The following STK24 variants were observed in gnomAD, a reference collection of about 807,000 sequenced individuals.
STK24 encodes the protein serine/threonine-protein kinase 24.
In STK24, 21 loss-of-function variants were observed where a neutral mutation model predicts 55.6. The observed-to-expected ratio is 0.38, with a 90% confidence interval of 0.27 to 0.54. The LOEUF (loss-of-function observed/expected upper bound fraction) is 0.54. Ranked by LOEUF, STK24 falls within the 20% of genes least tolerant of loss-of-function variation. The probability of loss-of-function intolerance (pLI) is 0.79; values close to 1 mark genes in which losing one functional copy is unlikely to be tolerated. For synonymous variants in STK24, 200 were observed against 215.2 expected, an observed-to-expected ratio of 0.93 and a Z score of 0.62; for missense variants, 383 against 538.4, an observed-to-expected ratio of 0.71 and a Z score of 2.86.
intron 1 of STK24, among the ~76,000 whole-genome samples, chr13:98,573,877 C>G (rs1353903729): frequency 1.3e-5 from 2 of 152,192 alleles, no homozygotes; most frequent in African/African-American, 4.8e-5. Flanking sequence ...ATCTACATCT[C>G]AAACGGTACC....
At chr13:98,507,882 T>C (rs1214448118) in intron 2 of STK24, among the ~76,000 whole-genome samples, 3 of 152,142 alleles carry the variant, frequency 2.0e-5, no homozygotes, top group Admixed American at 2.0e-4. Context: ...CAAAAGCCCA[T>C]TGCAGATCTC....
intron 1 of STK24, among the ~76,000 whole-genome samples, chr13:98,527,302 T>C (rs1304774514): frequency 6.6e-6 from 1 of 151,984 alleles, no homozygotes; most frequent in Admixed American, 6.5e-5. Context: ...AGACCTCAGC[T>C]ATACCAAAAA....
chr13:98,531,833 A>G (rs969597719), intron 1 of STK24, among the ~76,000 whole-genome samples: 1 of 152,130 alleles, frequency 6.6e-6, no homozygotes, highest in African/African-American at 2.4e-5. Context: ...GCTCTGTTAG[A>G]GGTGAGCTGG....
intron 1 of STK24, among the ~76,000 whole-genome samples, chr13:98,528,624 G>C (rs564680180): frequency 2.6e-5 from 4 of 152,114 alleles, no homozygotes; most frequent in African/African-American, 4.8e-5. Context: ...TATGATGACT[G>C]AAGTATTTTA....
At chr13:98,463,133 C>T (rs1374593247) in intron 7 of STK24, among the ~76,000 whole-genome samples, 2 of 152,156 alleles carry the variant, frequency 1.3e-5, no homozygotes, top group Admixed American at 6.5e-5. Context: ...CGAGAACAGA[C>T]GAGTCCCACG....
intron 1 of STK24, among the ~76,000 whole-genome samples, chr13:98,524,866 C>T (rs1041325435): frequency 2.3e-4 from 35 of 152,210 alleles, no homozygotes; most frequent in Admixed American, 1.4e-3. Context: ...CGTTTCCAGG[C>T]GTACGGCACC....
At chr13:98,556,246 A>G (rs771636147) in intron 1 of STK24, among the ~76,000 whole-genome samples, 3 of 152,220 alleles carry the variant, frequency 2.0e-5, no homozygotes, top group Non-Finnish European at 4.4e-5. Context: ...GTTAAGGACT[A>G]TGCTAGGACG....
At position 98,461,842 on chromosome 13, in the gene STK24, T is replaced by G. The variant is rs1464712061; in HGVS notation, c.985A>C (p.Ile329Leu). ...AGATTCTTGGGATCTTTTTCTCGGA[T>G]TGTGAAGATCCAGTCCCCAGAATCA... Reference protein sequence around the residue: ...GSDSGDWIFTIREKDPKNLEN... With the variant: ...GSDSGDWIFTLREKDPKNLEN... Residue 329 changes from isoleucine (I) to leucine (L), a missense_variant, in exon 8 of 11, where the codon ATC (isoleucine) becomes CTC (leucine). Coordinates refer to ENST00000539966, the MANE Select transcript of STK24 (RefSeq NM_001032296.4). 8.7e-6 allele frequency: 14 copies of G among 1,614,030 alleles called. No individual in the cohort carries two copies. Among genetic ancestry groups the G allele is most frequent in the Non-Finnish European group, 1.1e-5 (13 of 1,179,988 alleles).
chr13:98,480,340 C>G (rs1349318501), intron 3 of STK24, among the ~76,000 whole-genome samples: 5 of 152,158 alleles, frequency 3.3e-5, no homozygotes, highest in Non-Finnish European at 5.9e-5. Flanking sequence ...GAAAAAGAAT[C>G]CCTGTAAACA....
At chr13:98,515,164 A>G (rs1347396072) in intron 2 of STK24, among the ~76,000 whole-genome samples, 2 of 151,884 alleles carry the variant, frequency 1.3e-5, no homozygotes, top group Non-Finnish European at 2.9e-5. Flanking sequence ...TGGTGCACAG[A>G]GAAAAAACAG....
At chr13:98,501,501 C>A (rs9300482) in intron 2 of STK24, among the ~76,000 whole-genome samples, 23,993 of 152,012 alleles carry the variant, frequency 0.16, 1,998 homozygotes, top group African/African-American at 0.19. Flanking sequence ...TTTCCCCAGC[C>A]CCCCCAGTTT....
At chr13:98,565,992 T>G (rs1407648488) in intron 1 of STK24, among the ~76,000 whole-genome samples, 1 of 152,028 alleles carries the variant, frequency 6.6e-6, no homozygotes, top group Non-Finnish European at 1.5e-5. Flanking sequence ...CACCAGGCGG[T>G]AGGCATGGGG....
chr13:98,559,564 C>A (rs1897364015), intron 1 of STK24, among the ~76,000 whole-genome samples: 1 of 152,140 alleles, frequency 6.6e-6, no homozygotes. Context: ...CTCATACAAT[C>A]CCTTCCTAGT....
At chr13:98,518,005 G>A (rs567189790) in intron 2 of STK24, among the ~76,000 whole-genome samples, 32 of 152,254 alleles carry the variant, frequency 2.1e-4, no homozygotes, top group African/African-American at 7.7e-4. Context: ...TTGCAAATGA[G>A]AAAGTGGAGA....
chr13:98,568,795 G>T (rs1182800610), intron 1 of STK24, among the ~76,000 whole-genome samples: 2 of 152,164 alleles, frequency 1.3e-5, no homozygotes, highest in Non-Finnish European at 2.9e-5. Context: ...TGGAACCTGG[G>T]GGGGCAGATG....
chr13:98,575,374 A>T (rs966535196), intron 1 of STK24, among the ~76,000 whole-genome samples: 2 of 150,988 alleles, frequency 1.3e-5, no homozygotes, highest in Admixed American at 1.3e-4. Flanking sequence ...CTGCTTAAAC[A>T]TATATACACA....
Position 98,519,258 on chromosome 13 carries a change from A to G in STK24, c.258T>C (p.Tyr86=), listed in dbSNP as rs1168383407. 3.7e-6 allele frequency: 6 copies of G among 1,613,970 alleles called. No individual in the cohort carries two copies. Among genetic ancestry groups the G allele is most frequent in the South Asian group, 1.1e-5 (1 of 91,080 alleles). ...QCDSPYVTKY[Y]GSYLKDTKLW... is the part of the protein sequence containing the mutation. ...TAAGCCTTACCTTCAGATAGGATCC[A>G]TAATATTTGGTTACATATGGACTGT... The change falls in exon 2 of 11, where the codon TAT becomes TAC. Residue 86 remains tyrosine (Y), a synonymous_variant. Coordinates refer to ENST00000539966, the MANE Select transcript of STK24 (RefSeq NM_001032296.4).
intron 2 of STK24, among the ~76,000 whole-genome samples, chr13:98,516,463 C>G (rs534767051): frequency 6.6e-6 from 1 of 152,318 alleles, no homozygotes; most frequent in South Asian, 2.1e-4. Flanking sequence ...TTGAAAAGGC[C>G]AGCCTACTGT....
rs576103446 is a variant in STK24, at chr13:98,522,315, G to T, written c.43-2842C>A. Among the ~76,000 whole-genome samples, 3 of 152,290 alleles carry T rather than the reference G, an allele frequency of 2.0e-5. No homozygotes were observed. In the South Asian group the frequency reaches 6.2e-4, roughly 32 times the overall value. On this transcript the variant is annotated intron_variant, in intron 1 of 10. Transcript: ENST00000539966. ...TACTCCTTCTCCCCAGGGGTGCCCGGTAGTTTCAGGGTCTGGGGCCCTTGT... is the reference window on the plus strand; with the variant it reads ...TACTCCTTCTCCCCAGGGGTGCCCGTTAGTTTCAGGGTCTGGGGCCCTTGT...
Sources: gnomAD v4.1 joint callset for allele counts (sites outside exome capture counted in the v4.1 genomes callset) on GRCh38, gnomAD v4.1.1 for gene constraint, MANE v1.5 for transcripts, NCBI Gene and HGNC (gene_info 2026-07-23, HGNC 2026-07-21) for gene names.